CRTC1: variants seen among roughly 807,000 people sequenced by gnomAD.
CRTC1 encodes CREB-regulated transcription coactivator 1.
In CRTC1, 18 loss-of-function variants were observed where a neutral mutation model predicts 66.1. The observed-to-expected ratio is 0.27, with a 90% CI of 0.19 to 0.40. The LOEUF (loss-of-function observed/expected upper bound fraction) is 0.40, where lower values mean the gene tolerates loss of function less well. Among genes scored for constraint, CRTC1 ranks in the 10% least tolerant of loss-of-function variants. The probability of loss-of-function intolerance (pLI) is 1.00; values close to 1 mark genes in which losing one functional copy is unlikely to be tolerated. For missense variants in CRTC1, 669 were observed against 887.9 expected, an observed-to-expected ratio of 0.75 and a Z score of 3.13; for synonymous variants, 416 against 398.8, an observed-to-expected ratio of 1.04 and a Z score of -0.51.
intron 2 of CRTC1, among the ~76,000 whole-genome samples, chr19:18,744,491 A>AACACAC (rs56007866): frequency 1.3e-5 from 2 of 148,806 alleles, no homozygotes; most frequent in African/African-American, 4.9e-5. Flanking sequence ...CACACACACA[A>AACACAC]ACACACACAC....
chr19:18,720,361 C>CT (rs1555779464), intron 1 of CRTC1, among the ~76,000 whole-genome samples: 2 of 150,274 alleles, frequency 1.3e-5, no homozygotes, highest in African/African-American at 2.5e-5. Context: ...CTTTCTTTTT[C>CT]TTTTTTTTGA....
At chr19:18,718,073 A>G (rs961878416) in intron 1 of CRTC1, among the ~76,000 whole-genome samples, 4 of 152,166 alleles carry the variant, frequency 2.6e-5, no homozygotes, top group African/African-American at 4.8e-5. Context: ...CATTCACAGT[A>G]TTGTGCAGGC....
chr19:18,744,948 C>T (rs1181022857), intron 2 of CRTC1, among the ~76,000 whole-genome samples: 2 of 152,184 alleles, frequency 1.3e-5, no homozygotes, highest in South Asian at 2.1e-4. Flanking sequence ...TCATTTTGCC[C>T]GGCTGCCCAG....
At chr19:18,705,025 AATC>A (rs1370247708) in intron 1 of CRTC1, among the ~76,000 whole-genome samples, 1 of 151,856 alleles carries the variant, frequency 6.6e-6, no homozygotes, top group Non-Finnish European at 1.5e-5. Context: ...ATGTAAGGAG[AATC>A]ATCCAGGATT....
At position 18,683,684 on chromosome 19, in the gene CRTC1, A is replaced by AGGAGGTGGC; in HGVS notation, c.-16_-8dup. 2 of 1,372,232 alleles carry AGGAGGTGGC rather than the reference A, an allele frequency of 1.5e-6. No homozygotes were observed. The highest frequency in any genetic ancestry group is 1.9e-6 in the Non-Finnish European group (2 of 1,036,300). 85.0% of individuals were successfully genotyped at this position (1,372,232 alleles called of 1,614,324 possible). A position where few individuals can be genotyped will look rare whatever the true frequency, so the allele number is the denominator to read the frequency against. On this transcript the variant is annotated 5_prime_UTR_variant, in exon 1 of 14. Coordinates refer to ENST00000321949, the MANE Select transcript of CRTC1 (RefSeq NM_015321.3). The stretch of plus-strand genomic sequence containing the variant: ...GAGGTGGAGGAGGAGGAGGAGGAGG[A>AGGAGGTGGC]GGAGGTGGCGGCGAGAAGATGGCGA...
Position 18,778,778 on chromosome 19 carries a change from G to C in CRTC1, c.*1396G>C. ...CAGGGAGCGAGGGTCCCCGAGACGAGGACCACGGTCCTCCCTGAGAACCTG... is the reference window on the plus strand; with the variant it reads ...CAGGGAGCGAGGGTCCCCGAGACGACGACCACGGTCCTCCCTGAGAACCTG... On this transcript the variant is annotated 3_prime_UTR_variant, in exon 14 of 14. Transcript: ENST00000321949. The C allele has an allele frequency of 4.3e-6, 1 of 231,234 alleles. No homozygotes were observed. Among genetic ancestry groups the C allele is most frequent in the East Asian group, 6.1e-5 (1 of 16,326 alleles). The allele number at this position is 231,234 out of a possible 1,614,324, so 14.3% of individuals were successfully genotyped here. A position where few individuals can be genotyped will look rare whatever the true frequency, so the allele number is the denominator to read the frequency against.
intron 13 of CRTC1, 78 bp downstream of exon 13, chr19:18,775,899 C>G: frequency 1.4e-6 from 2 of 1,423,104 alleles, no homozygotes; most frequent in Non-Finnish European, 1.9e-6. Context: ...GACTGCTGTC[C>G]CGCAGCAGGA....
chr19:18,748,768 G>A (rs1192914680), intron 4 of CRTC1, among the ~76,000 whole-genome samples: 3 of 148,822 alleles, frequency 2.0e-5, no homozygotes, highest in Admixed American at 2.0e-4. Flanking sequence ...ACACACACAT[G>A]TTAGTAAACG....
intron 12 of CRTC1, 30 bp downstream of exon 12, chr19:18,775,016 C>T (rs748191636): frequency 1.9e-5 from 30 of 1,593,562 alleles, no homozygotes; most frequent in Admixed American, 1.2e-4. Flanking sequence ...GCCAGCCGGC[C>T]GGTGCCCAGG....
chr19:18,746,051 G>C, intron 3 of CRTC1, 91 bp downstream of exon 3: 5 of 1,481,602 alleles, frequency 3.4e-6, no homozygotes, highest in Non-Finnish European at 3.6e-6. Context: ...TGACAGGGCT[G>C]CCTGCTTCCA....
In CRTC1 at chr19:18,777,501, C is replaced by A; in HGVS notation, c.*119C>A. On this transcript the variant is annotated 3_prime_UTR_variant, in exon 14 of 14. Transcript: ENST00000321949. The surrounding 1 kb of genome is among the most constrained non-coding windows in gnomAD (Gnocchi z 5.5). ...TGTGATTCTGAGCTTGCAATGCCGC[C>A]AAGCGCCCCCCGCCAGCCCGCCCCC... 1 of 971,070 alleles carries A rather than the reference C, an allele frequency of 1.0e-6. No individual in the cohort carries two copies. The highest frequency in any genetic ancestry group is 1.6e-5 in the African/African-American group (1 of 62,378). 60.2% of individuals were successfully genotyped at this position (971,070 alleles called of 1,614,324 possible). A position where few individuals can be genotyped will look rare whatever the true frequency, so the allele number is the denominator to read the frequency against.
intron 1 of CRTC1, among the ~76,000 whole-genome samples, chr19:18,700,194 G>T (rs1351973740): frequency 6.6e-6 from 1 of 152,180 alleles, no homozygotes; most frequent in African/African-American, 2.4e-5. Flanking sequence ...TGACGCCTCC[G>T]CTGGTCCCAG....
intron 1 of CRTC1, among the ~76,000 whole-genome samples, chr19:18,694,157 C>T (rs1018467598): frequency 2.1e-5 from 3 of 143,952 alleles, no homozygotes; most frequent in Non-Finnish European, 4.5e-5. Flanking sequence ...AAAAAATAGG[C>T]TGGCATGGTG....
At chr19:18,765,335 G>A (rs1324450519) in intron 8 of CRTC1, 69 bp from the exon 9 acceptor site, 20 of 1,551,584 alleles carry the variant, frequency 1.3e-5, no homozygotes, top group South Asian at 3.6e-5. Flanking sequence ...GTGACTGTGG[G>A]TGTGTAAGCA....
intron 1 of CRTC1, among the ~76,000 whole-genome samples, chr19:18,729,859 C>T (rs12984991): frequency 0.29 from 44,227 of 152,112 alleles, 6,540 homozygotes; most frequent in Middle Eastern, 0.32. Flanking sequence ...ACTCCTTATC[C>T]TCGTTCTTGG....
rs1237928734 is a variant in CRTC1 at position 18,779,829 on chromosome 19, C to T, written c.*2447C>T. On this transcript the variant is annotated 3_prime_UTR_variant, in exon 14 of 14. Transcript: ENST00000321949. ...TTTTTCCAATAAGAACCTGGTGGAC[C>T]GAGGTCCGAGCTTGCCAGGGACAGT... 4 of 225,730 alleles carry T rather than the reference C, an allele frequency of 1.8e-5. No individual in the cohort carries two copies. The highest frequency in any genetic ancestry group is 3.5e-5 in the Non-Finnish European group (4 of 113,650). The allele number at this position is 225,730 out of a possible 1,614,324, so 14.0% of individuals were successfully genotyped here.
rs542631490 is a variant in CRTC1, at chr19:18,725,166, C to T, written c.127-17744C>T. ...CTAGGCCAGCGTCCCTGTGCGAGAC[C>T]CCCTTGCTCCCTAGTGCCCCTGCCT... On this transcript the variant is annotated intron_variant, in intron 1 of 13. Coordinates refer to ENST00000321949, the MANE Select transcript of CRTC1 (RefSeq NM_015321.3). 5.9e-5 allele frequency among the ~76,000 whole-genome samples: 9 copies of T among 152,274 alleles called. No individual in the cohort carries two copies. The South Asian group carries it at 1.9e-3, about 32-fold the overall frequency.
chr19:18,781,902 C>A lies in CRTC1; in HGVS notation c.*4520C>A. Reference sequence around the variant, plus strand: ...GAAGTGTTCTGGAATTTGGGGGCAACCCTTGCCCAGCCCAGCCATCAAGAA... The same window carrying A: ...GAAGTGTTCTGGAATTTGGGGGCAAACCTTGCCCAGCCCAGCCATCAAGAA... On this transcript the variant is annotated 3_prime_UTR_variant, in exon 14 of 14. Transcript: ENST00000321949. 4.3e-6 allele frequency: 1 copy of A among 230,854 alleles called. No homozygotes were observed. The highest frequency in any genetic ancestry group is 8.6e-6 in the Non-Finnish European group (1 of 116,492). 14.3% of individuals were successfully genotyped at this position (230,854 alleles called of 1,614,324 possible). A position where few individuals can be genotyped will look rare whatever the true frequency, so the allele number is the denominator to read the frequency against.
At chr19:18,699,425 G>A (rs1269850004) in intron 1 of CRTC1, among the ~76,000 whole-genome samples, 2 of 152,204 alleles carry the variant, frequency 1.3e-5, no homozygotes, top group Non-Finnish European at 2.9e-5. Flanking sequence ...CCTCGGGGTA[G>A]GATGGCCCTG....
Sources: allele counts gnomAD v4.1 joint callset (sites outside exome capture counted in the v4.1 genomes callset), GRCh38; gene constraint gnomAD v4.1.1; non-coding constraint Gnocchi (gnomAD v3.1); transcripts MANE v1.5; gene names NCBI Gene and HGNC (gene_info 2026-07-23, HGNC 2026-07-21).